The following FRMD3 variants were observed in gnomAD, a reference collection of about 807,000 sequenced individuals.
FRMD3 encodes the protein FERM domain containing 3.
In FRMD3, 33 loss-of-function variants were observed where a neutral mutation model predicts 70.2. The ratio of observed to expected loss-of-function variants is 0.47; its 90% confidence interval spans 0.36 to 0.63. FRMD3 has a LOEUF of 0.63. Among genes scored for constraint, FRMD3 ranks in the 20% least tolerant of loss-of-function variants. The pLI is 0.00. For synonymous variants in FRMD3, 279 were observed against 255.9 expected, an observed-to-expected ratio of 1.09 and a Z score of -0.86; for missense variants, 632 against 711.4, an observed-to-expected ratio of 0.89 and a Z score of 1.27.
intron 4 of FRMD3, among the ~76,000 whole-genome samples, chr9:83,348,171 T>A (rs914528871): frequency 6.6e-6 from 1 of 152,162 alleles, no homozygotes; most frequent in Non-Finnish European, 1.5e-5. Context: ...TAGGATTTGA[T>A]TTGATCTTCC....
intron 3 of FRMD3, among the ~76,000 whole-genome samples, chr9:83,355,976 G>A (rs1400163223): frequency 6.6e-6 from 1 of 152,156 alleles, no homozygotes; most frequent in Non-Finnish European, 1.5e-5. Flanking sequence ...GTGTCTCCTC[G>A]GGGCAGCTCA....
At chr9:83,277,327 T>C (rs1051830915) in intron 13 of FRMD3, among the ~76,000 whole-genome samples, 16 of 152,236 alleles carry the variant, frequency 1.1e-4, no homozygotes, top group Admixed American at 2.0e-4. Context: ...TTTTAAATTT[T>C]ATTTGTGTTT....
chr9:83,256,020 A>G (rs944390309), intron 13 of FRMD3, among the ~76,000 whole-genome samples: 1 of 152,322 alleles, frequency 6.6e-6, no homozygotes. Flanking sequence ...AAACAAAAAT[A>G]TTTTAAAATT....
the FRMD3 span, among the ~76,000 whole-genome samples, chr9:83,578,232 C>T: frequency 6.6e-6 from 1 of 151,934 alleles, no homozygotes; most frequent in Non-Finnish European, 1.5e-5. Context: ...GGCTTCACAG[C>T]TAAATTCTAC....
At chr9:83,299,294 T>C (rs1036642226) in intron 10 of FRMD3, 108 bp from the exon 11 acceptor site, 10 of 668,414 alleles carry the variant, frequency 1.5e-5, no homozygotes, top group African/African-American at 1.5e-4. Context: ...AGAAATGTAA[T>C]TTACCTTGTG....
intron 13 of FRMD3, among the ~76,000 whole-genome samples, chr9:83,259,247 T>C (rs1266128745): frequency 6.6e-6 from 1 of 152,204 alleles, no homozygotes; most frequent in Admixed American, 6.5e-5. Context: ...TAATGATCTG[T>C]TTTACATTTA....
chr9:83,518,289 A>C (rs1003847865), intron 1 of FRMD3, among the ~76,000 whole-genome samples: 2 of 152,230 alleles, frequency 1.3e-5, no homozygotes, highest in Non-Finnish European at 2.9e-5. Context: ...ACTTTAACAA[A>C]GTCTCAGCAT....
At chr9:83,496,889 G>A (rs144003942) in intron 1 of FRMD3, among the ~76,000 whole-genome samples, 53 of 152,202 alleles carry the variant, frequency 3.5e-4, no homozygotes, top group African/African-American at 9.6e-4. Context: ...CGAGGCAGGC[G>A]GATTACCTGA....
intron 3 of FRMD3, among the ~76,000 whole-genome samples, chr9:83,359,876 C>T (rs1451007745): frequency 6.6e-6 from 1 of 152,148 alleles, no homozygotes; most frequent in Non-Finnish European, 1.5e-5. Flanking sequence ...CAAAGCACTT[C>T]GCAGCCTGCT....
rs1021455826 is a variant in FRMD3 at position 83,373,013 on chromosome 9, G to C, written c.253-58C>G. 15 of 1,390,232 alleles carry C rather than the reference G, an allele frequency of 1.1e-5. No individual in the cohort carries two copies. In the African/African-American group the frequency reaches 2.2e-4, roughly 20 times the overall value. 86.1% of individuals were successfully genotyped at this position (1,390,232 alleles called of 1,614,324 possible). The stretch of plus-strand genomic sequence containing the variant: ...GGGTCAAATTGCTGGACCATACAAC[G>C]AATACCTAATAACTAAAAGGAATTC... On this transcript the variant is annotated intron_variant, in intron 2 of 13. Coordinates refer to ENST00000304195, the MANE Select transcript of FRMD3 (RefSeq NM_174938.6).
intron 6 of FRMD3, among the ~76,000 whole-genome samples, chr9:83,330,133 G>A (rs1435281167): frequency 6.6e-6 from 1 of 152,098 alleles, no homozygotes; most frequent in South Asian, 2.1e-4. Context: ...GGGAGGCAGA[G>A]GCGGGTGGAT....
the FRMD3 span, among the ~76,000 whole-genome samples, chr9:83,544,081 G>T: frequency 2.0e-5 from 3 of 152,316 alleles, no homozygotes; most frequent in African/African-American, 7.2e-5. Context: ...CAGCATTCCT[G>T]CAGCAAGAAC....
intron 6 of FRMD3, among the ~76,000 whole-genome samples, chr9:83,319,696 T>C (rs955453384): frequency 3.3e-5 from 5 of 152,154 alleles, no homozygotes; most frequent in East Asian, 1.9e-4. Context: ...TGGGAGATGA[T>C]TGAATCATGG....
chr9:83,341,727 A>T (rs933276342), intron 5 of FRMD3, among the ~76,000 whole-genome samples: 3 of 152,120 alleles, frequency 2.0e-5, no homozygotes, highest in Non-Finnish European at 4.4e-5. Context: ...AAGGGTTTTA[A>T]CACCTCTGCC....
At chr9:83,362,144 CT>C (rs1174659552) in intron 3 of FRMD3, among the ~76,000 whole-genome samples, 3 of 151,754 alleles carry the variant, frequency 2.0e-5, no homozygotes, top group African/African-American at 7.3e-5. Context: ...AGACCTGTGG[CT>C]TTACACCAGA....
intron 1 of FRMD3, among the ~76,000 whole-genome samples, chr9:83,501,500 T>C (rs1829068441): frequency 6.6e-6 from 1 of 152,196 alleles, no homozygotes; most frequent in Non-Finnish European, 1.5e-5. Flanking sequence ...ATTCAGGCTA[T>C]AGAGCTGAGC....
At chr9:83,412,174 T>C (rs907546681) in intron 1 of FRMD3, among the ~76,000 whole-genome samples, 1 of 152,234 alleles carries the variant, frequency 6.6e-6, no homozygotes, top group African/African-American at 2.4e-5. Context: ...GTCCTGCTTC[T>C]TTAGTTTAAA....
At chr9:83,370,366 A>T (rs1032651634) in intron 3 of FRMD3, among the ~76,000 whole-genome samples, 1 of 152,208 alleles carries the variant, frequency 6.6e-6, no homozygotes, top group Admixed American at 6.5e-5. Context: ...GACATCATCA[A>T]CAACAACAAT....
chr9:83,299,809 C>A (rs991160983), intron 10 of FRMD3, among the ~76,000 whole-genome samples: 1 of 152,166 alleles, frequency 6.6e-6, no homozygotes, highest in African/African-American at 2.4e-5. Context: ...GCAGAAGCTG[C>A]CCAGACAAGA....
Sources: allele counts gnomAD v4.1 joint callset (sites outside exome capture counted in the v4.1 genomes callset), GRCh38; gene constraint gnomAD v4.1.1; transcripts MANE v1.5; gene names NCBI Gene and HGNC (gene_info 2026-07-23, HGNC 2026-07-21).